Variants in RBFOX2 observed in about 807,000 individuals in gnomAD.
RBFOX2 encodes the protein RNA binding protein fox-1 homolog 2.
RBFOX2 carries 10 observed loss-of-function variants against 49.1 expected under a neutral mutation model. The observed-to-expected ratio is 0.20, with a 90% CI of 0.13 to 0.35. The LOEUF is 0.35. RBFOX2 is among the 10% of genes least tolerant of loss of function. The probability of loss-of-function intolerance (pLI) is 1.00; values close to 1 mark genes in which losing one functional copy is unlikely to be tolerated. For synonymous variants in RBFOX2, 183 were observed against 187.4 expected (o/e 0.98, Z 0.19); for missense variants, 323 against 486.9 (o/e 0.66, Z 3.17).
intron 1 of RBFOX2, among the ~76,000 whole-genome samples, chr22:35,910,337 G>A (rs558529245): frequency 8.5e-5 from 13 of 152,210 alleles, no homozygotes; most frequent in East Asian, 5.8e-4. Flanking sequence ...TTGAATTTTC[G>A]CAGGCTTCTA....
intron 2 of RBFOX2, among the ~76,000 whole-genome samples, chr22:35,800,428 C>T (rs1182392755): frequency 6.6e-6 from 1 of 152,210 alleles, no homozygotes; most frequent in African/African-American, 2.4e-5. Context: ...TTATACTCAA[C>T]TGACACTTAT....
At chr22:35,846,792 T>C (rs555307825) in intron 1 of RBFOX2, among the ~76,000 whole-genome samples, 1 of 152,118 alleles carries the variant, frequency 6.6e-6, no homozygotes, top group Admixed American at 6.5e-5. Flanking sequence ...TAAATTTCTG[T>C]CTCTCAATTT....
At chr22:35,807,735 C>CA in intron 2 of RBFOX2, among the ~76,000 whole-genome samples, 1 of 151,258 alleles carries the variant, frequency 6.6e-6, no homozygotes, top group South Asian at 2.1e-4. Flanking sequence ...GAAATAATAA[C>CA]AGAGTGGAAA....
In RBFOX2 at chr22:36,001,899, A is replaced by C. The variant is rs571743458; in HGVS notation, c.186+26341T>G. 3.3e-5 allele frequency among the ~76,000 whole-genome samples: 5 copies of C among 152,204 alleles called. No individual in the cohort carries two copies. In the East Asian group the frequency reaches 9.7e-4, roughly 29 times the overall value. On this transcript the variant is annotated intron_variant, in intron 1 of 13. Transcript: ENST00000438146. ...GCCAACATGGTGAAACCCCGTCTCT[A>C]CTAAAAATACAAAAATTAGCCAGGC...
intron 1 of RBFOX2, among the ~76,000 whole-genome samples, chr22:35,899,209 A>G (rs926836625): frequency 1.3e-5 from 2 of 152,064 alleles, no homozygotes; most frequent in East Asian, 1.9e-4. Flanking sequence ...ATAAAATATA[A>G]AAGACATACC....
chr22:35,816,891 T>C (rs1236930202), intron 1 of RBFOX2, among the ~76,000 whole-genome samples: 1 of 152,214 alleles, frequency 6.6e-6, no homozygotes, highest in Non-Finnish European at 1.5e-5. Flanking sequence ...ACTCATCTTT[T>C]ACCTTGTTCT....
chr22:35,811,266 C>T (rs1054479958), intron 1 of RBFOX2, among the ~76,000 whole-genome samples: 3 of 152,124 alleles, frequency 2.0e-5, no homozygotes, highest in Admixed American at 1.3e-4. Context: ...GTCTCCAACC[C>T]GTATGTTGAA....
intron 1 of RBFOX2, among the ~76,000 whole-genome samples, chr22:36,017,931 C>T (rs767454814): frequency 6.6e-6 from 1 of 152,238 alleles, no homozygotes; most frequent in Non-Finnish European, 1.5e-5. Flanking sequence ...CCCTCTCTCA[C>T]CTTTAACCCT....
chr22:35,749,520 C>T lies in RBFOX2; in HGVS notation c.888-2959G>A, dbSNP rs905868618. Among the ~76,000 whole-genome samples, 8 of 149,750 alleles carry T rather than the reference C, an allele frequency of 5.3e-5. No individual in the cohort carries two copies. The highest frequency in any genetic ancestry group is 7.5e-5 in the Non-Finnish European group (5 of 66,524). On this transcript the variant is annotated intron_variant, in intron 9 of 11. Coordinates refer to ENST00000405409, the Ensembl canonical transcript of RBFOX2. The surrounding 1 kb of genome is among the most constrained non-coding windows in gnomAD (Gnocchi z 4.1). Reference sequence around the variant, plus strand: ...TCTCTCTCTCTCTTACACACACACACGCACACACACACATACACTTACTCG... The same window carrying T: ...TCTCTCTCTCTCTTACACACACACATGCACACACACACATACACTTACTCG...
chr22:35,823,276 T>G (rs1025604383), intron 1 of RBFOX2, among the ~76,000 whole-genome samples: 3 of 152,230 alleles, frequency 2.0e-5, no homozygotes, highest in African/African-American at 7.2e-5. Flanking sequence ...TCTTTCATTT[T>G]TGCTCAGAGA....
intron 4 of RBFOX2, among the ~76,000 whole-genome samples, chr22:35,773,945 G>A (rs936184558): frequency 6.6e-6 from 1 of 152,038 alleles, no homozygotes; most frequent in Non-Finnish European, 1.5e-5. Context: ...AATACAGGGG[G>A]CTGAACTAGG....
At chr22:35,822,644 T>G (rs1177199170) in intron 1 of RBFOX2, among the ~76,000 whole-genome samples, 1 of 152,186 alleles carries the variant, frequency 6.6e-6, no homozygotes, top group Non-Finnish European at 1.5e-5. Flanking sequence ...ACTGGCAGGC[T>G]TTGTGTTAGT....
At chr22:36,005,859 A>G (rs1413625890) in intron 1 of RBFOX2, among the ~76,000 whole-genome samples, 2 of 152,262 alleles carry the variant, frequency 1.3e-5, no homozygotes, top group Non-Finnish European at 2.9e-5. Context: ...TTAGACAAGT[A>G]TCTTAAAAGC....
At chr22:35,995,614 G>C (rs1036603915) in intron 1 of RBFOX2, 2 of 153,020 alleles carry the variant, frequency 1.3e-5, no homozygotes, top group African/African-American at 4.8e-5. Context: ...GTTCTCGAGT[G>C]ATCGTTTAAA....
rs1036046875 is a variant in RBFOX2, at chr22:35,846,165, C to CTG, written c.-33-36162_-33-36161insCA. On this transcript the variant is annotated intron_variant, in intron 1 of 13. Coordinates refer to the RBFOX2 transcript ENST00000359369. ...GCATATGTTAATATAATTACATACA[C>CTG]TATAATTATAAACTTGCATATGTTA... 4.5e-4 allele frequency among the ~76,000 whole-genome samples: 67 copies of CTG among 148,538 alleles called. 1 individual carries two copies. The highest frequency in any genetic ancestry group is 3.2e-3 in the South Asian group (15 of 4,698).
intron 2 of RBFOX2, among the ~76,000 whole-genome samples, chr22:35,807,432 A>T (rs1430506851): frequency 6.6e-6 from 1 of 152,126 alleles, no homozygotes; most frequent in Admixed American, 6.5e-5. Flanking sequence ...TTATAAATCA[A>T]TAAAAGAAAG....
chr22:35,957,361 GT>G (rs1232938961), intron 1 of RBFOX2, among the ~76,000 whole-genome samples: 1 of 152,168 alleles, frequency 6.6e-6, no homozygotes, highest in South Asian at 2.1e-4. Context: ...CACACAGGCA[GT>G]TCTGACTAGT....
At chr22:35,879,549 G>A (rs190968598) in intron 1 of RBFOX2, among the ~76,000 whole-genome samples, 96 of 152,308 alleles carry the variant, frequency 6.3e-4, no homozygotes, top group Admixed American at 1.3e-3. Context: ...GCTGTACAAA[G>A]TGCCTGGCAA....
intron 1 of RBFOX2, among the ~76,000 whole-genome samples, chr22:36,004,198 T>C (rs931697681): frequency 1.3e-5 from 2 of 152,172 alleles, no homozygotes; most frequent in African/African-American, 4.8e-5. Context: ...GTTTCAATGC[T>C]TAGGCCTAGA....
Sources: allele counts gnomAD v4.1 joint callset (sites outside exome capture counted in the v4.1 genomes callset), GRCh38; gene constraint gnomAD v4.1.1; non-coding constraint Gnocchi (gnomAD v3.1); transcripts MANE v1.5; gene names NCBI Gene and HGNC (gene_info 2026-07-23, HGNC 2026-07-21).